NCAM1: variants seen among roughly 807,000 people sequenced by gnomAD.
The protein encoded by NCAM1 is antigen recognized by monoclonal antibody 5.1H11.
NCAM1 carries 14 observed loss-of-function variants against 109.8 expected under a neutral mutation model. The ratio of observed to expected loss-of-function variants is 0.13; its 90% CI spans 0.08 to 0.20. The LOEUF is 0.20. NCAM1 is among the 10% of genes least tolerant of loss of function. The probability of loss-of-function intolerance (pLI) is 1.00; values close to 1 mark genes in which losing one functional copy is unlikely to be tolerated. For synonymous variants in NCAM1, 418 were observed against 442.9 expected, an observed-to-expected ratio of 0.94 and a Z score of 0.70; for missense variants, 774 against 1,109.9, an observed-to-expected ratio of 0.70 and a Z score of 4.30.
chr11:113,175,357 A>G (rs1943114755), intron 1 of NCAM1, among the ~76,000 whole-genome samples: 1 of 152,198 alleles, frequency 6.6e-6, no homozygotes, highest in Non-Finnish European at 1.5e-5. Flanking sequence ...ATTTTGTAAC[A>G]ATTTGGAAAG....
intron 17 of NCAM1, among the ~76,000 whole-genome samples, chr11:113,267,984 C>CA (rs1268425362): frequency 6.6e-6 from 1 of 152,124 alleles, no homozygotes; most frequent in Non-Finnish European, 1.5e-5. Flanking sequence ...CCACTGTCAT[C>CA]AAAAAAATAC....
intron 1 of NCAM1, among the ~76,000 whole-genome samples, chr11:113,088,983 A>G (rs1939217455): frequency 6.6e-6 from 1 of 152,224 alleles, no homozygotes; most frequent in Non-Finnish European, 1.5e-5. Flanking sequence ...TAAATGTACC[A>G]GATCTATGCA....
intron 1 of NCAM1, among the ~76,000 whole-genome samples, chr11:113,059,860 T>C (rs1462440706): frequency 1.3e-5 from 2 of 152,220 alleles, no homozygotes; most frequent in Non-Finnish European, 2.9e-5. Flanking sequence ...AGGGGTCATG[T>C]ATGTAAAGCA....
intron 9 of NCAM1, among the ~76,000 whole-genome samples, chr11:113,224,149 G>A (rs1403378170): frequency 6.6e-6 from 1 of 152,252 alleles, no homozygotes; most frequent in Admixed American, 6.5e-5. Context: ...CCTCACCTGG[G>A]AAGCACAAGG....
chr11:113,157,898 A>C (rs1343153095), intron 1 of NCAM1, among the ~76,000 whole-genome samples: 1 of 152,012 alleles, frequency 6.6e-6, no homozygotes, highest in Non-Finnish European at 1.5e-5. Context: ...AAGAAAATCC[A>C]GCCTCACACA....
rs7945433 is a variant in NCAM1, at chr11:113,056,178, C to T, written c.52+94514C>T. 4.3e-3 allele frequency among the ~76,000 whole-genome samples: 649 copies of T among 151,200 alleles called. 5 individuals are homozygous for T. The highest frequency in any genetic ancestry group is 0.015 in the African/African-American group (621 of 41,182). ...CACAGAAAGACAAATATCACATGTT[C>T]TCACTAAAAAGTGGATCTCATGGAG... On this transcript the variant is annotated intron_variant, in intron 1 of 19. Coordinates refer to ENST00000316851, the MANE Select transcript of NCAM1 (RefSeq NM_181351.5).
intron 1 of NCAM1, among the ~76,000 whole-genome samples, chr11:113,138,173 G>A (rs573292438): frequency 2.0e-5 from 3 of 152,272 alleles, no homozygotes; most frequent in South Asian, 4.1e-4. Context: ...ATATAAAATC[G>A]ACCATGGATA....
intron 1 of NCAM1, among the ~76,000 whole-genome samples, chr11:113,088,529 G>A (rs1939190512): frequency 1.3e-5 from 1 of 79,326 alleles, no homozygotes; most frequent in Non-Finnish European, 2.6e-5. Flanking sequence ...TCAACCATTT[G>A]ATATGGCATA....
At chr11:113,063,744 A>G (rs1408583060) in intron 1 of NCAM1, among the ~76,000 whole-genome samples, 4 of 143,964 alleles carry the variant, frequency 2.8e-5, no homozygotes, top group African/African-American at 4.9e-5. Context: ...ACTTTGGTCC[A>G]TAAGAACATA....
At chr11:112,978,719 G>A (rs1158505748) in intron 1 of NCAM1, among the ~76,000 whole-genome samples, 1 of 151,698 alleles carries the variant, frequency 6.6e-6, no homozygotes, top group African/African-American at 2.4e-5. Context: ...CATATTTTTA[G>A]CATCTTTTGA....
At chr11:113,092,186 A>G (rs370038371) in intron 1 of NCAM1, among the ~76,000 whole-genome samples, 2 of 152,116 alleles carry the variant, frequency 1.3e-5, no homozygotes, top group Admixed American at 6.5e-5. Context: ...TCTGCCAGAC[A>G]GTGTTCTAAA....
At chr11:113,226,939 A>G (rs1944870075) in intron 9 of NCAM1, among the ~76,000 whole-genome samples, 1 of 152,246 alleles carries the variant, frequency 6.6e-6, no homozygotes, top group East Asian at 1.9e-4. Context: ...CAGTGTGTAG[A>G]GGGAAATTTA....
intron 1 of NCAM1, among the ~76,000 whole-genome samples, chr11:113,045,046 G>A (rs563763143): frequency 3.5e-4 from 53 of 152,284 alleles, no homozygotes; most frequent in African/African-American, 1.2e-3. Context: ...GAGCCACTGC[G>A]CCCGGCCCTT....
chr11:112,962,524 G>T lies in NCAM1; in HGVS notation c.52+860G>T, dbSNP rs59867819. Among the ~76,000 whole-genome samples the T allele has an allele frequency of 0.11, 16,943 of 151,882 alleles. 1,142 individuals are homozygous for T. The highest frequency in any genetic ancestry group is 0.34 in the East Asian group (1,715 of 5,060). On this transcript the variant is annotated intron_variant, in intron 1 of 19. Transcript: ENST00000316851. This position sits in a 1 kb window ranked among gnomAD's most constrained non-coding sequence, Gnocchi z 5.6. ...GGCGGGAGAAGAATGGCAGGTAGCC[G>T]CCCGAAACACCTCGCCCTGTCTCCT...
chr11:112,988,751 A>ATT (rs140491695), intron 1 of NCAM1, among the ~76,000 whole-genome samples: 53,187 of 137,728 alleles, frequency 0.39, 11,083 homozygotes, highest in East Asian at 0.65. Flanking sequence ...TTTCAACAGT[A>ATT]TTTTTTTTTT....
intron 1 of NCAM1, among the ~76,000 whole-genome samples, chr11:113,055,144 T>C (rs1225512847): frequency 6.6e-6 from 1 of 152,226 alleles, no homozygotes; most frequent in African/African-American, 2.4e-5. Context: ...AATTTTGCTT[T>C]CTCTGAGGAA....
intron 1 of NCAM1, among the ~76,000 whole-genome samples, chr11:113,120,581 G>T (rs922848347): frequency 6.6e-5 from 10 of 152,110 alleles, no homozygotes; most frequent in South Asian, 6.2e-4. Flanking sequence ...TATTATCCGA[G>T]GATATAAGGC....
intron 7 of NCAM1, among the ~76,000 whole-genome samples, chr11:113,209,962 G>T (rs1260147090): frequency 1.2e-4 from 19 of 152,182 alleles, no homozygotes; most frequent in Admixed American, 9.8e-4. Context: ...ACAGAGGCAG[G>T]AAAAGCACAG....
At chr11:112,977,268 T>C (rs1218278495) in intron 1 of NCAM1, 2 of 151,856 alleles carry the variant, frequency 1.3e-5, no homozygotes, top group African/African-American at 2.4e-5. Flanking sequence ...AATAGTCTTA[T>C]AGTGATTTAA....
Sources: gnomAD v4.1 joint callset for allele counts (sites outside exome capture counted in the v4.1 genomes callset) on GRCh38, gnomAD v4.1.1 for gene constraint, Gnocchi (gnomAD v3.1) non-coding constraint, MANE v1.5 for transcripts, NCBI Gene and HGNC (gene_info 2026-07-23, HGNC 2026-07-21) for gene names.